CACNA2D3: variants seen among roughly 807,000 people sequenced by gnomAD.
CACNA2D3 encodes the protein calcium voltage-gated channel auxiliary subunit alpha2delta 3.
In CACNA2D3, 60 loss-of-function variants were observed where a neutral mutation model predicts 160.6. The observed-to-expected ratio is 0.37, with a 90% CI of 0.30 to 0.46. The LOEUF is 0.46. CACNA2D3 is among the 20% of genes least tolerant of loss of function. The pLI, the probability that CACNA2D3 is intolerant of heterozygous loss-of-function variation, is 1.00. For missense variants in CACNA2D3, 1,205 were observed against 1,365.0 expected, an observed-to-expected ratio of 0.88 and a Z score of 1.85; for synonymous variants, 558 against 492.9, an observed-to-expected ratio of 1.13 and a Z score of -1.75.
At chr3:54,910,984 T>G (rs1700542877) in intron 27 of CACNA2D3, among the ~76,000 whole-genome samples, 1 of 152,208 alleles carries the variant, frequency 6.6e-6, no homozygotes, top group East Asian at 1.9e-4. Flanking sequence ...CCACGTATCT[T>G]GTGCCCAATC....
chr3:54,370,846 A>AC (rs1297373378), intron 3 of CACNA2D3, among the ~76,000 whole-genome samples: 2 of 151,876 alleles, frequency 1.3e-5, no homozygotes, highest in African/African-American at 2.4e-5. Flanking sequence ...GAAAAAAAAA[A>AC]AAAAAAACAG....
chr3:54,253,107 CTTTT>C (rs34188932), intron 2 of CACNA2D3, among the ~76,000 whole-genome samples: 4 of 138,566 alleles, frequency 2.9e-5, no homozygotes, highest in Non-Finnish European at 4.7e-5. Context: ...TTAACCAACT[CTTTT>C]TTTTTTTTTT....
intron 11 of CACNA2D3, among the ~76,000 whole-genome samples, chr3:54,643,097 C>G (rs1030782005): frequency 7.0e-6 from 1 of 142,878 alleles, no homozygotes; most frequent in Non-Finnish European, 1.5e-5. Flanking sequence ...AGGTGTTTTT[C>G]TACTGCATGT....
At chr3:54,890,067 A>G (rs1305335440) in intron 24 of CACNA2D3, among the ~76,000 whole-genome samples, 1 of 152,228 alleles carries the variant, frequency 6.6e-6, no homozygotes, top group African/African-American at 2.4e-5. Flanking sequence ...ACTTTCATCA[A>G]AGATCAAGTA....
chr3:54,633,410 T>G (rs758556202), intron 10 of CACNA2D3: 3 of 152,198 alleles, frequency 2.0e-5, no homozygotes, highest in Non-Finnish European at 4.4e-5. Context: ...AGACTTTTCC[T>G]TAGCTCAGCT....
intron 35 of CACNA2D3, among the ~76,000 whole-genome samples, chr3:55,066,311 C>A (rs933078417): frequency 6.6e-6 from 1 of 152,124 alleles, no homozygotes; most frequent in Non-Finnish European, 1.5e-5. Flanking sequence ...TCTGGAGAAT[C>A]TATATAAAGG....
intron 27 of CACNA2D3, among the ~76,000 whole-genome samples, chr3:54,936,695 G>T (rs1227834778): frequency 6.6e-6 from 1 of 152,060 alleles, no homozygotes; most frequent in South Asian, 2.1e-4. Context: ...CAGTCAGCCC[G>T]TCGCTAGTAG....
chr3:54,545,181 AGTTT>A (rs1477434326), intron 5 of CACNA2D3, among the ~76,000 whole-genome samples: 8 of 152,366 alleles, frequency 5.3e-5, no homozygotes, highest in East Asian at 3.9e-4. Flanking sequence ...TTTCTGAATT[AGTTT>A]ATTTTTTCAA....
intron 11 of CACNA2D3, among the ~76,000 whole-genome samples, chr3:54,747,984 A>G (rs186839277): frequency 6.6e-6 from 1 of 152,170 alleles, no homozygotes; most frequent in Admixed American, 6.5e-5. Context: ...TTTCCCTCCC[A>G]AGAAAATGTG....
chr3:54,453,585 C>T (rs1463038914), intron 4 of CACNA2D3, among the ~76,000 whole-genome samples: 3 of 152,188 alleles, frequency 2.0e-5, no homozygotes, highest in Non-Finnish European at 2.9e-5. Context: ...TTTTGGCTCT[C>T]ATAAGTGAAA....
At position 54,483,750 on chromosome 3, in the gene CACNA2D3, A is replaced by T. The variant is rs148774965; in HGVS notation, c.382-19742A>T. Among the ~76,000 whole-genome samples, 53 of 152,298 alleles carry T rather than the reference A, an allele frequency of 3.5e-4. No individual in the cohort carries two copies. In the East Asian group the frequency reaches 9.9e-3, roughly 28 times the overall value. The stretch of plus-strand genomic sequence containing the variant: ...CCCATAAGGAATGTCATTGTGTTGT[A>T]ATTTCTAATTTTTGTTTCCTTGACT... On this transcript the variant is annotated intron_variant, in intron 4 of 37. Coordinates refer to ENST00000474759, the MANE Select transcript of CACNA2D3 (RefSeq NM_018398.3).
At chr3:54,681,249 T>C (rs1361494968) in intron 11 of CACNA2D3, among the ~76,000 whole-genome samples, 4 of 151,664 alleles carry the variant, frequency 2.6e-5, no homozygotes, top group Non-Finnish European at 5.9e-5. Flanking sequence ...ATAGAAAGAA[T>C]AGTGAGACCA....
chr3:54,652,122 A>G (rs947833514), intron 11 of CACNA2D3, among the ~76,000 whole-genome samples: 2 of 151,688 alleles, frequency 1.3e-5, no homozygotes, highest in Non-Finnish European at 1.5e-5. Context: ...CACAAAATAA[A>G]TGCTCCACCC....
intron 2 of CACNA2D3, among the ~76,000 whole-genome samples, chr3:54,154,876 C>T (rs1410650589): frequency 1.3e-5 from 2 of 152,140 alleles, no homozygotes; most frequent in African/African-American, 2.4e-5. Context: ...TCCTACGTTT[C>T]AGTCATTTGG....
intron 2 of CACNA2D3, among the ~76,000 whole-genome samples, chr3:54,225,058 C>T (rs754752239): frequency 6.6e-6 from 1 of 150,932 alleles, no homozygotes; most frequent in Non-Finnish European, 1.5e-5. Flanking sequence ...CACCCATTAA[C>T]TCATCATTTA....
chr3:54,329,246 C>T (rs534153343), intron 3 of CACNA2D3, among the ~76,000 whole-genome samples: 20 of 152,162 alleles, frequency 1.3e-4, no homozygotes, highest in African/African-American at 4.3e-4. Flanking sequence ...CTTTTCTTGT[C>T]CCAACTTGCC....
intron 2 of CACNA2D3, among the ~76,000 whole-genome samples, chr3:54,173,131 A>AG (rs1427867318): frequency 6.6e-6 from 1 of 152,198 alleles, no homozygotes; most frequent in Non-Finnish European, 1.5e-5. Context: ...GGGAGAGGCA[A>AG]GGAGTACATC....
At chr3:54,543,399 A>AT (rs1702013690) in intron 5 of CACNA2D3, among the ~76,000 whole-genome samples, 2 of 152,130 alleles carry the variant, frequency 1.3e-5, no homozygotes, top group South Asian at 2.1e-4. Context: ...TGATCATTTG[A>AT]TTTTTTTAAC....
chr3:54,257,994 G>A (rs1269953374), intron 2 of CACNA2D3, among the ~76,000 whole-genome samples: 1 of 152,210 alleles, frequency 6.6e-6, no homozygotes, highest in African/African-American at 2.4e-5. Context: ...GAACTTGAGA[G>A]AAGTGTTTTG....
Sources: allele counts gnomAD v4.1 joint callset (sites outside exome capture counted in the v4.1 genomes callset), GRCh38; gene constraint gnomAD v4.1.1; transcripts MANE v1.5; gene names NCBI Gene and HGNC (gene_info 2026-07-23, HGNC 2026-07-21).